RNF123: variants seen among roughly 807,000 people sequenced by gnomAD.
RNF123 encodes the protein ring finger protein 123.
A neutral mutation model predicts 168.5 loss-of-function variants in RNF123; 86 were observed. That is an observed-to-expected ratio of 0.51 (90% CI 0.43 to 0.61). The LOEUF (loss-of-function observed/expected upper bound fraction) is 0.61, where lower values mean the gene tolerates loss of function less well. Among genes scored for constraint, RNF123 ranks in the 20% least tolerant of loss-of-function variants. RNF123 has a pLI of 0.00. For missense variants in RNF123, 1,419 were observed against 1,729.7 expected, an observed-to-expected ratio of 0.82 and a Z score of 3.19; for synonymous variants, 666 against 689.1, an observed-to-expected ratio of 0.97 and a Z score of 0.52.
In RNF123 at chr3:49,700,300, A is replaced by C. The variant is rs1452907664; in HGVS notation, c.1058A>C (p.Gln353Pro). 1.2e-6 allele frequency: 2 copies of C among 1,614,120 alleles called. No homozygotes were observed. Among genetic ancestry groups the C allele is most frequent in the Non-Finnish European group, 1.7e-6 (2 of 1,180,044 alleles). Residue 353 changes from glutamine to proline, a missense_variant, in exon 13 of 39, where the codon CAG becomes CCG. Coordinates refer to ENST00000327697, the MANE Select transcript of RNF123 (RefSeq NM_022064.5). ...ATCGTGGAGAAGGGCACACCCACAC[A>C]GGCACAGTCCGTGGTGCACCAGGTC... The part of the protein sequence containing the change: ...LGIVEKGTPT[Q>P]AQSVVHQVLD...
intron 3 of RNF123, among the ~76,000 whole-genome samples, chr3:49,695,877 T>G: frequency 6.6e-6 from 1 of 152,158 alleles, no homozygotes. Flanking sequence ...AGTACCCTTT[T>G]CCCTCTAGGC....
At position 49,698,109 on chromosome 3, in the gene RNF123, G is replaced by A. The variant is rs1387196491; in HGVS notation, c.455G>A (p.Cys152Tyr). The stretch of plus-strand genomic sequence containing the variant: ...CAGGGGCTCATGCAGATCGGCTGGT[G>A]CACCATCAGCTGCCGCTTCAACCAG... ...SSQGLMQIGW[C>Y]TISCRFNQEE... The change falls in exon 7 of 39, where the codon TGC (cysteine) becomes TAC (tyrosine). Residue 152 changes from cysteine (C) to tyrosine (Y), a missense_variant. Transcript: ENST00000327697. 4.3e-6 allele frequency: 7 copies of A among 1,613,828 alleles called. No individual in the cohort carries two copies. The highest frequency in any genetic ancestry group is 3.3e-5 in the Admixed American group (2 of 60,010).
chr3:49,702,246 G>C (rs762558145), intron 18 of RNF123, 88 bp from the exon 19 acceptor site: 1 of 1,586,346 alleles, frequency 6.3e-7, no homozygotes, highest in Non-Finnish European at 8.7e-7. Context: ...TCCCATGGCA[G>C]GGGCTGGGGG....
Position 49,698,485 on chromosome 3 carries a change from C to T in RNF123, c.529C>T (p.Arg177Cys), listed in dbSNP as rs1383616385. The change falls in exon 8 of 39, where the codon CGC (arginine) becomes TGC (cysteine). Residue 177 changes from arginine to cysteine, a missense_variant. Around this residue, in one of 5 missense-constraint regions of RNF123, gnomAD observed 318 missense variants for 446.6 expected, o/e 0.71. Coordinates refer to ENST00000327697, the MANE Select transcript of RNF123 (RefSeq NM_022064.5). ...CAACTCCTATGCCTATGATGGCAAC[C>T]GCGTGCGCAAGTGGAATGTGACCAC... ...THNSYAYDGN[R>C]VRKWNVTTTN... 5.0e-6 allele frequency: 8 copies of T among 1,613,906 alleles called. No homozygotes were observed. Among genetic ancestry groups the T allele is most frequent in the African/African-American group, 1.3e-5 (1 of 75,036 alleles).
rs1450302264 is a variant in RNF123, at chr3:49,713,760, G to A, written c.2772G>A (p.Gln924=). The A allele has an allele frequency of 6.2e-7, 1 of 1,607,388 alleles. No individual in the cohort carries two copies. The highest frequency in any genetic ancestry group is 8.5e-7 in the Non-Finnish European group (1 of 1,177,326). Reference sequence around the variant, plus strand: ...CAGACATCCGAGACTCACTGATGCAGGCCCTGGCCAGCTACGTGTGCTACC... The same window carrying A: ...CAGACATCCGAGACTCACTGATGCAAGCCCTGGCCAGCTACGTGTGCTACC... ...VGTDIRDSLM[Q]ALASYVCYPH... is the part of the protein sequence containing the mutation. The change falls in exon 29 of 39, where the codon CAG becomes CAA. Residue 924 remains glutamine (Q), a synonymous_variant. Coordinates refer to ENST00000327697, the MANE Select transcript of RNF123 (RefSeq NM_022064.5).
At chr3:49,708,881 C>A (rs992766361) in intron 26 of RNF123, among the ~76,000 whole-genome samples, 2 of 152,150 alleles carry the variant, frequency 1.3e-5, no homozygotes, top group Non-Finnish European at 2.9e-5. Flanking sequence ...CTCTTTGAGA[C>A]CCTAATTTCA....
chr3:49,706,762 G>C (rs767655832), intron 25 of RNF123, 29 bp from the exon 26 acceptor site: 2 of 1,600,558 alleles, frequency 1.2e-6, no homozygotes, highest in Non-Finnish European at 1.7e-6. Context: ...GCCATGTCTT[G>C]ATTGTCCTCC....
At position 49,716,170 on chromosome 3, in the gene RNF123, G is replaced by C. The variant is rs751535138; in HGVS notation, c.3408G>C (p.Arg1136=). Residue 1136 remains arginine, a synonymous_variant, in exon 34 of 39, where the codon CGG becomes CGC. Coordinates refer to ENST00000327697, the MANE Select transcript of RNF123 (RefSeq NM_022064.5). ...RNLFDRVVTL[R]LPGLESVDHY... ...TGTTTGATCGTGTGGTCACCCTACG[G>C]CTGCCTGGTGAGGACCTAGATGCCC... The C allele has an allele frequency of 2.5e-6, 4 of 1,613,478 alleles. No individual in the cohort carries two copies. Among genetic ancestry groups the C allele is most frequent in the Non-Finnish European group, 3.4e-6 (4 of 1,179,834 alleles).
At position 49,716,435 on chromosome 3, in the gene RNF123, C is replaced by T. The variant is rs767489349; in HGVS notation, c.3458C>T (p.Thr1153Met). 1.9e-5 allele frequency: 30 copies of T among 1,613,932 alleles called. No individual in the cohort carries two copies. Among genetic ancestry groups the T allele is most frequent in the African/African-American group, 2.7e-5 (2 of 74,908 alleles). Residue 1153 changes from threonine (T) to methionine (M), a missense_variant, in exon 35 of 39, where the codon ACG becomes ATG. Thr to Met is a moderately conservative substitution (Grantham distance 81). Around this residue, in one of 5 missense-constraint regions of RNF123, gnomAD observed 164 missense variants for 152.3 expected, o/e 1.08. Coordinates refer to ENST00000327697, the MANE Select transcript of RNF123 (RefSeq NM_022064.5). ...CACTATCCCATTCTGGTGGCAGTGA[C>T]GGGCATCCTGGTGCAGCTCCTGGTG... ...VDHYPILVAVTGILVQLLVRG... is the reference protein window; with the variant it reads ...VDHYPILVAVMGILVQLLVRG...
chr3:49,705,256 C>T, intron 23 of RNF123, 74 bp downstream of exon 23: 1 of 1,492,404 alleles, frequency 6.7e-7, no homozygotes, highest in Non-Finnish European at 9.1e-7. Flanking sequence ...CCGGGCAAAG[C>T]CAAAATACAC....
At position 49,699,716 on chromosome 3, in the gene RNF123, C is replaced by T. The variant is rs1218003371; in HGVS notation, c.928C>T (p.Gln310Ter). Residue 310 changes from glutamine to a stop codon, truncating the protein, a stop_gained, in exon 12 of 39, where the codon CAG becomes TAG. Transcript: ENST00000327697. LOFTEE classifies it high-confidence loss of function. The surrounding 1 kb of genome is among the most constrained non-coding windows in gnomAD (Gnocchi z 4.8). ...GAGCTCCAAGTGGCGGTTGCGGGGC[C>T]AGCCCACCGTCCTCCTCACACTGGC... ...KESSKWRLRG[Q>*]PTVLLTLAHI... 1 of 1,613,618 alleles carries T rather than the reference C, an allele frequency of 6.2e-7. No homozygotes were observed. The highest frequency in any genetic ancestry group is 8.5e-7 in the Non-Finnish European group (1 of 1,180,000).
chr3:49,697,787 A>G (rs1255358239), intron 5 of RNF123, 98 bp from the exon 6 acceptor site: 2 of 1,461,916 alleles, frequency 1.4e-6, no homozygotes, highest in Admixed American at 1.7e-5. Context: ...ACAGGCAAAT[A>G]CCACCAGGGC....
chr3:49,719,135 G>A (rs1440746286), intron 35 of RNF123: 1 of 1,613,538 alleles, frequency 6.2e-7, no homozygotes, highest in Non-Finnish European at 8.5e-7. Flanking sequence ...AGCAGCCTCA[G>A]GCCGCTGGCG....
At chr3:49,703,570 G>T (rs1241608762) in intron 21 of RNF123, 42 bp downstream of exon 21, 1 of 1,512,240 alleles carries the variant, frequency 6.6e-7, no homozygotes, top group African/African-American at 1.4e-5. Context: ...CTGGGGCCAG[G>T]TGGGGGACTG....
intron 21 of RNF123, among the ~76,000 whole-genome samples, 181 bp from the exon 22 acceptor site, chr3:49,704,469 C>G (rs1303699444): frequency 1.3e-5 from 2 of 152,074 alleles, no homozygotes; most frequent in African/African-American, 4.8e-5. Flanking sequence ...AGACGGGGCC[C>G]TTGAGATGCA....
At chr3:49,712,767 C>T (rs1342811530) in intron 27 of RNF123, 111 bp downstream of exon 27, 20 of 1,262,740 alleles carry the variant, frequency 1.6e-5, no homozygotes, top group Admixed American at 1.3e-4. Flanking sequence ...CTGTGGGGGG[C>T]GGGGAGGGGA....
At chr3:49,716,762 A>T in intron 35 of RNF123, 1 of 418,632 alleles carries the variant, frequency 2.4e-6, no homozygotes, top group South Asian at 2.9e-5. Context: ...AGGACTCCGG[A>T]GGGTGTGCCG....
chr3:49,697,848 C>T (rs367682711), intron 5 of RNF123, 37 bp from the exon 6 acceptor site: 2 of 1,612,946 alleles, frequency 1.2e-6, no homozygotes, highest in African/African-American at 1.3e-5. Context: ...GCTCTGTGTG[C>T]CTGGGAGCTA....
At chr3:49,720,718 C>T in intron 36 of RNF123, 65 bp downstream of exon 36, 8 of 1,604,538 alleles carry the variant, frequency 5.0e-6, no homozygotes, top group Non-Finnish European at 6.8e-6. Flanking sequence ...GCCTTAAGAA[C>T]AGCAAAGTCC....
Sources: gnomAD v4.1 joint callset for allele counts (sites outside exome capture counted in the v4.1 genomes callset) on GRCh38, gnomAD v4.1.1 for gene constraint, gnomAD v4.1.1 regional missense constraint, Gnocchi (gnomAD v3.1) non-coding constraint, MANE v1.5 for transcripts, NCBI Gene and HGNC (gene_info 2026-07-23, HGNC 2026-07-21) for gene names.